RHOBTB1: variants seen among roughly 807,000 people sequenced by gnomAD.
The protein encoded by RHOBTB1 is rho-related BTB domain-containing protein 1.
RHOBTB1 carries 40 observed loss-of-function variants against 71.6 expected under a neutral mutation model. That is an observed-to-expected ratio of 0.56 (90% confidence interval 0.43 to 0.73). The LOEUF (loss-of-function observed/expected upper bound fraction) is 0.73. Among genes scored for constraint, RHOBTB1 ranks in the 30% least tolerant of loss-of-function variants. The probability of loss-of-function intolerance (pLI) is 0.00; values close to 1 mark genes in which losing one functional copy is unlikely to be tolerated. For missense variants in RHOBTB1, 797 were observed against 894.0 expected, an observed-to-expected ratio of 0.89 and a Z score of 1.38; for synonymous variants, 319 against 334.9, an observed-to-expected ratio of 0.95 and a Z score of 0.52.
At chr10:60,927,857 G>T (rs775087990) in intron 2 of RHOBTB1, among the ~76,000 whole-genome samples, 4 of 152,064 alleles carry the variant, frequency 2.6e-5, no homozygotes, top group Non-Finnish European at 5.9e-5. Flanking sequence ...ATTACATCAA[G>T]CACAGCAAAG....
At chr10:60,878,573 C>G (rs1038061273) in intron 7 of RHOBTB1, among the ~76,000 whole-genome samples, 14 of 152,340 alleles carry the variant, frequency 9.2e-5, no homozygotes, top group Admixed American at 8.5e-4. Flanking sequence ...CAATGTACTA[C>G]ACAACGTATA....
chr10:60,925,472 C>A (rs757872753), intron 2 of RHOBTB1, among the ~76,000 whole-genome samples: 1 of 151,688 alleles, frequency 6.6e-6, no homozygotes, highest in East Asian at 1.9e-4. Flanking sequence ...ATGCCTATAT[C>A]GAAAAAGTAG....
intron 2 of RHOBTB1, among the ~76,000 whole-genome samples, chr10:60,972,902 T>C (rs186562562): frequency 3.3e-5 from 5 of 152,068 alleles, no homozygotes; most frequent in African/African-American, 9.6e-5. Context: ...AAATACCCAC[T>C]GATGTTAACA....
At chr10:60,975,880 A>G (rs2086297563) in intron 2 of RHOBTB1, among the ~76,000 whole-genome samples, 1 of 152,098 alleles carries the variant, frequency 6.6e-6, no homozygotes, top group African/African-American at 2.4e-5. Flanking sequence ...AACATTTACA[A>G]TAATGGGATG....
At chr10:60,887,007 T>C (rs2081617436) in intron 6 of RHOBTB1, among the ~76,000 whole-genome samples, 2 of 151,974 alleles carry the variant, frequency 1.3e-5, no homozygotes, top group African/African-American at 2.4e-5. Context: ...AATAATTCCC[T>C]ATTATCATCC....
At chr10:60,939,662 T>A (rs1309765239) in intron 2 of RHOBTB1, among the ~76,000 whole-genome samples, 2 of 152,170 alleles carry the variant, frequency 1.3e-5, no homozygotes, top group Non-Finnish European at 2.9e-5. Flanking sequence ...AAATCACCTA[T>A]GCTCTTTAAA....
In RHOBTB1 at chr10:60,944,084, C is replaced by T. The variant is rs1485790190; in HGVS notation, c.-175G>A. On this transcript the variant is annotated 5_prime_UTR_variant, in exon 1 of 11. Transcript: ENST00000337910. The stretch of plus-strand genomic sequence containing the variant: ...GCGCGCGGTCGCGGGTGTGCGGGGC[C>T]CCTGCGCGCGGCGCGCCGCCCGCCG... 8 of 151,792 alleles carry T rather than the reference C, an allele frequency of 5.3e-5. No homozygotes were observed. The highest frequency in any genetic ancestry group is 3.4e-3 in the Middle Eastern group (1 of 296). 9.4% of individuals were successfully genotyped at this position (151,792 alleles called of 1,614,324 possible).
chr10:60,927,063 C>T (rs909464436), intron 2 of RHOBTB1, among the ~76,000 whole-genome samples: 3 of 152,080 alleles, frequency 2.0e-5, no homozygotes, highest in East Asian at 1.9e-4. Context: ...AGTAGCATTG[C>T]TATATGCCAA....
At position 60,888,567 on chromosome 10, in the gene RHOBTB1, C is replaced by G; in HGVS notation, c.1101G>C (p.Glu367Asp). ...LGLEAEGAVP[E>D]TQTLTGWSKG... ...TACTCCATCCGGTCAAAGTCTGTGTCTCAGGAACTGCACCCTCGGCTTCCA... is the reference window on the plus strand; with the variant it reads ...TACTCCATCCGGTCAAAGTCTGTGTGTCAGGAACTGCACCCTCGGCTTCCA... Residue 367 changes from glutamate to aspartate, a missense_variant, in exon 6 of 11, where the codon GAG becomes GAC. Transcript: ENST00000337910. The G allele has an allele frequency of 2.5e-6, 4 of 1,614,204 alleles. No homozygotes were observed. The highest frequency in any genetic ancestry group is 3.4e-6 in the Non-Finnish European group (4 of 1,180,044).
intron 6 of RHOBTB1, 136 bp from the exon 7 acceptor site, chr10:60,886,366 A>G (rs2081575506): frequency 4.7e-6 from 3 of 634,240 alleles, no homozygotes; most frequent in South Asian, 1.9e-5. Flanking sequence ...TTTTATGTCA[A>G]TCCCCATCTT....
chr10:60,880,492 A>G (rs1469452609), intron 7 of RHOBTB1, among the ~76,000 whole-genome samples: 1 of 152,182 alleles, frequency 6.6e-6, no homozygotes, highest in Middle Eastern at 3.2e-3. Flanking sequence ...ATTCCTAGAA[A>G]TAATAAGAAA....
chr10:60,888,108 G>C, intron 6 of RHOBTB1, 104 bp downstream of exon 6: 1 of 1,277,288 alleles, frequency 7.8e-7, no homozygotes, highest in Non-Finnish European at 1.1e-6. Flanking sequence ...AAATAAGTAC[G>C]TATAAATGTT....
intron 2 of RHOBTB1, among the ~76,000 whole-genome samples, chr10:60,922,161 TCAG>T (rs1366827093): frequency 1.3e-5 from 2 of 152,322 alleles, no homozygotes; most frequent in Non-Finnish European, 2.9e-5. Context: ...CAAGGGATTC[TCAG>T]CGCTTTTTGG....
At chr10:60,919,369 T>C (rs1356092967) in intron 2 of RHOBTB1, among the ~76,000 whole-genome samples, 6 of 152,206 alleles carry the variant, frequency 3.9e-5, no homozygotes, top group Non-Finnish European at 1.5e-5. Flanking sequence ...ATAATAACTA[T>C]AGCCAACAGC....
At chr10:60,961,272 C>T (rs1273338523) in intron 2 of RHOBTB1, among the ~76,000 whole-genome samples, 1 of 152,080 alleles carries the variant, frequency 6.6e-6, no homozygotes, top group East Asian at 1.9e-4. Flanking sequence ...TATGAGATGA[C>T]ACAGTATGCC....
intron 2 of RHOBTB1, among the ~76,000 whole-genome samples, chr10:60,931,071 C>T (rs975397897): frequency 6.6e-6 from 1 of 152,102 alleles, no homozygotes; most frequent in African/African-American, 2.4e-5. Context: ...TAGAAAGCAA[C>T]AGTAATTGTT....
intron 4 of RHOBTB1, among the ~76,000 whole-genome samples, chr10:60,909,995 T>C (rs746149793): frequency 7.9e-5 from 12 of 152,210 alleles, no homozygotes; most frequent in Non-Finnish European, 1.6e-4. Context: ...GAAATGCTTA[T>C]CTCAATACCA....
At chr10:60,861,755 C>A in the RHOBTB1 span, among the ~76,000 whole-genome samples, 1 of 152,120 alleles carries the variant, frequency 6.6e-6, no homozygotes, top group African/African-American at 2.4e-5. Flanking sequence ...CCAATGTATC[C>A]ATCACTCACC....
intron 2 of RHOBTB1, among the ~76,000 whole-genome samples, chr10:60,971,072 C>A (rs2086138631): frequency 6.6e-6 from 1 of 152,026 alleles, no homozygotes; most frequent in South Asian, 2.1e-4. Context: ...TTACCATCAT[C>A]ATTATCATTA....
Sources: allele counts gnomAD v4.1 joint callset (sites outside exome capture counted in the v4.1 genomes callset), GRCh38; gene constraint gnomAD v4.1.1; transcripts MANE v1.5; gene names NCBI Gene and HGNC (gene_info 2026-07-23, HGNC 2026-07-21).